KCTD16: variants seen among roughly 807,000 people sequenced by gnomAD.
The protein encoded by KCTD16 is BTB/POZ domain-containing protein KCTD16.
A neutral mutation model predicts 33.2 loss-of-function variants in KCTD16; 13 were observed. The observed-to-expected ratio is 0.39, with a 90% CI of 0.25 to 0.62. The LOEUF is 0.62. Ranked by LOEUF, KCTD16 falls within the 20% of genes least tolerant of loss-of-function variation. The probability of loss-of-function intolerance (pLI) is 0.50; values close to 1 mark genes in which losing one functional copy is unlikely to be tolerated. For missense variants in KCTD16, 441 were observed against 525.1 expected (o/e 0.84, Z 1.57); for synonymous variants, 197 against 195.3 (o/e 1.01, Z -0.07).
At chr5:144,325,076 A>T (rs1752169627) in intron 3 of KCTD16, among the ~76,000 whole-genome samples, 1 of 152,250 alleles carries the variant, frequency 6.6e-6, no homozygotes, top group South Asian at 2.1e-4. Flanking sequence ...CCCGGAGCTT[A>T]TAATAAAATA....
chr5:144,398,574 T>C (rs1477762180), intron 3 of KCTD16, among the ~76,000 whole-genome samples: 1 of 152,160 alleles, frequency 6.6e-6, no homozygotes, highest in East Asian at 1.9e-4. Flanking sequence ...TTATCTTATA[T>C]CCGCAAGTTG....
At chr5:144,370,300 G>A (rs1273752107) in intron 3 of KCTD16, among the ~76,000 whole-genome samples, 1 of 152,168 alleles carries the variant, frequency 6.6e-6, no homozygotes. Flanking sequence ...TTTGGATCAA[G>A]CGTGAATGCC....
At chr5:144,315,360 A>C (rs1450189760) in intron 3 of KCTD16, among the ~76,000 whole-genome samples, 1 of 152,064 alleles carries the variant, frequency 6.6e-6, no homozygotes, top group Non-Finnish European at 1.5e-5. Context: ...AAGTGCCCTA[A>C]CATTTTTATT....
chr5:144,204,494 A>G (rs1753115639), intron 2 of KCTD16, among the ~76,000 whole-genome samples: 1 of 152,128 alleles, frequency 6.6e-6, no homozygotes. Flanking sequence ...CACTTAAGGG[A>G]GCCCTCTGGA....
At chr5:144,289,620 T>C (rs762539040) in intron 3 of KCTD16, among the ~76,000 whole-genome samples, 2 of 152,210 alleles carry the variant, frequency 1.3e-5, no homozygotes, top group African/African-American at 4.8e-5. Flanking sequence ...CCTGAGCTTC[T>C]GTCTTTTTAT....
At chr5:144,353,216 C>T (rs187364) in intron 3 of KCTD16, among the ~76,000 whole-genome samples, 32,471 of 152,000 alleles carry the variant, frequency 0.21, 3,869 homozygotes, top group Non-Finnish European at 0.27. Flanking sequence ...AGAAATCTTA[C>T]AATAAATTCC....
intron 1 of KCTD16, among the ~76,000 whole-genome samples, chr5:144,173,938 G>A (rs188713116): frequency 9.2e-4 from 136 of 148,182 alleles, no homozygotes; most frequent in African/African-American, 3.3e-3. Context: ...CCTCACTCTG[G>A]GATAGGCTCC....
Position 144,473,938 on chromosome 5 carries a change from T to C in KCTD16, c.1111T>C (p.Ser371Pro), listed in dbSNP as rs1326368636. 1.2e-6 allele frequency: 2 copies of C among 1,613,998 alleles called. No homozygotes were observed. Among genetic ancestry groups the C allele is most frequent in the Non-Finnish European group, 1.7e-6 (2 of 1,179,998 alleles). The change falls in exon 4 of 4, where the codon TCA (serine) becomes CCA (proline). Residue 371 changes from serine (S) to proline (P), a missense_variant. This residue lies in a region of KCTD16 where 355 missense variants were observed against 413.0 expected (regional missense o/e 0.86). Transcript: ENST00000512467. ...AAGCGACTTACTCCGGACTCTGACT[T>C]CAGGCTCCAGGGAATCGAACATGAG... ...RKSDLLRTLT[S>P]GSRESNMSSK...
At chr5:144,345,462 C>G (rs1352086369) in intron 3 of KCTD16, among the ~76,000 whole-genome samples, 2 of 152,074 alleles carry the variant, frequency 1.3e-5, no homozygotes, top group Non-Finnish European at 2.9e-5. Flanking sequence ...TGGGTAATTT[C>G]AGTCTGTAAG....
chr5:144,443,279 A>G (rs1753753123), intron 3 of KCTD16, among the ~76,000 whole-genome samples: 1 of 152,172 alleles, frequency 6.6e-6, no homozygotes, highest in African/African-American at 2.4e-5. Context: ...CTTAAACGCC[A>G]TAGGTCCATT....
chr5:144,369,369 C>G (rs1200655654), intron 3 of KCTD16: 1 of 152,130 alleles, frequency 6.6e-6, no homozygotes, highest in Non-Finnish European at 1.5e-5. Flanking sequence ...TCTCCCAGGT[C>G]CTCCGTATGA....
chr5:144,235,794 C>G lies in KCTD16; in HGVS notation c.832+28248C>G, dbSNP rs187893579. Among the ~76,000 whole-genome samples, 43 of 152,132 alleles carry G rather than the reference C, an allele frequency of 2.8e-4. No individual in the cohort carries two copies. In the East Asian group the frequency reaches 4.6e-3, roughly 16 times the overall value. ...CATGCCCATGGAAATAAGGCTTATG[C>G]CCTTTGAAAGCATTTTAATAACTGA... is the stretch of plus-strand genomic sequence containing the variant. On this transcript the variant is annotated intron_variant, in intron 3 of 3. Transcript: ENST00000512467.
At chr5:144,214,368 G>A (rs142755225) in intron 3 of KCTD16, among the ~76,000 whole-genome samples, 57 of 152,164 alleles carry the variant, frequency 3.7e-4, no homozygotes, top group African/African-American at 1.3e-3. Context: ...CCTCCTTGCT[G>A]CAAATATGAT....
rs139501457 is a variant in KCTD16, at chr5:144,377,788, G to A, written c.833-95872G>A. 4 of 152,290 alleles carry A rather than the reference G, an allele frequency of 2.6e-5. No individual in the cohort carries two copies. In the East Asian group the frequency reaches 5.8e-4, roughly 22 times the overall value. 9.4% of individuals were successfully genotyped at this position (152,290 alleles called of 1,614,324 possible). Reference sequence around the variant, plus strand: ...CAGGAGTGACTAGGGACATGGAAAAGAGAGCAGTGATAATCAAACTCTCCA... The same window carrying A: ...CAGGAGTGACTAGGGACATGGAAAAAAGAGCAGTGATAATCAAACTCTCCA... On this transcript the variant is annotated intron_variant, in intron 3 of 3. Coordinates refer to ENST00000512467, the MANE Select transcript of KCTD16 (RefSeq NM_020768.4).
intron 3 of KCTD16, among the ~76,000 whole-genome samples, chr5:144,428,574 T>A (rs1052405030): frequency 6.6e-6 from 1 of 152,214 alleles, no homozygotes; most frequent in East Asian, 1.9e-4. Flanking sequence ...AATTGTCATT[T>A]TACAAGGATT....
intron 3 of KCTD16, among the ~76,000 whole-genome samples, chr5:144,273,877 T>C (rs1467721837): frequency 6.6e-6 from 1 of 151,822 alleles, no homozygotes; most frequent in East Asian, 1.9e-4. Context: ...TTGCACAACA[T>C]TATGAATGTA....
chr5:144,481,831 GTA>G lies in KCTD16; in HGVS notation c.*7719_*7720del, dbSNP rs1269255545. ...TTATTTCTATATGTAGTTCTGATCA[GTA>G]TTCTAGAATTATGGTTTAAATATCC... On this transcript the variant is annotated 3_prime_UTR_variant, in exon 4 of 4. Transcript: ENST00000512467. 4 of 151,882 alleles carry G rather than the reference GTA, an allele frequency of 2.6e-5. No homozygotes were observed. The highest frequency in any genetic ancestry group is 5.9e-5 in the Non-Finnish European group (4 of 67,930). 9.4% of individuals were successfully genotyped at this position (151,882 alleles called of 1,614,324 possible). A position where few individuals can be genotyped will look rare whatever the true frequency, so the allele number is the denominator to read the frequency against.
chr5:144,409,805 G>A (rs1457939132), intron 3 of KCTD16, among the ~76,000 whole-genome samples: 3 of 151,902 alleles, frequency 2.0e-5, no homozygotes, highest in Admixed American at 1.3e-4. Flanking sequence ...CAACGAGACC[G>A]AAACTCTGTC....
At chr5:144,211,624 C>A (rs916787947) in intron 3 of KCTD16, among the ~76,000 whole-genome samples, 6 of 152,094 alleles carry the variant, frequency 3.9e-5, no homozygotes, top group Admixed American at 3.9e-4. Flanking sequence ...TACATATATG[C>A]AAATATCATA....
Sources: gnomAD v4.1 joint callset for allele counts (sites outside exome capture counted in the v4.1 genomes callset) on GRCh38, gnomAD v4.1.1 for gene constraint, gnomAD v4.1.1 regional missense constraint, MANE v1.5 for transcripts, NCBI Gene and HGNC (gene_info 2026-07-23, HGNC 2026-07-21) for gene names.